The following FGFR1OP2 variants were observed in gnomAD, a reference collection of about 807,000 sequenced individuals.
The protein encoded by FGFR1OP2 is fibroblast growth factor receptor 1 oncogene partner 2.
Under a neutral mutation model 35.2 loss-of-function variants are expected in FGFR1OP2, and 17 were observed. The ratio of observed to expected loss-of-function variants is 0.48; its 90% CI spans 0.33 to 0.73. The LOEUF (loss-of-function observed/expected upper bound fraction) is 0.73. FGFR1OP2 is among the 30% of genes least tolerant of loss of function. The pLI is 0.02. For synonymous variants in FGFR1OP2, 105 were observed against 104.6 expected, an observed-to-expected ratio of 1.00 and a Z score of -0.03; for missense variants, 251 against 307.3, an observed-to-expected ratio of 0.82 and a Z score of 1.37.
At chr12:26,963,231 G>A (rs1939129334) in intron 5 of FGFR1OP2, 111 bp from the exon 6 acceptor site, 1 of 573,224 alleles carries the variant, frequency 1.7e-6, no homozygotes, top group African/African-American at 1.9e-5. Flanking sequence ...CATATTAAGT[G>A]ACAATGTAAG....
chr12:26,964,772 A>C lies in FGFR1OP2; in HGVS notation c.*39A>C. On this transcript the variant is annotated 3_prime_UTR_variant, in exon 7 of 7. Transcript: ENST00000229395. Reference sequence around the variant, plus strand: ...CTGTGAGCTTCTTACATGGCTCCAAATGGTCAAATAAGTGAATGAATGAAT... The same window carrying C: ...CTGTGAGCTTCTTACATGGCTCCAACTGGTCAAATAAGTGAATGAATGAAT... The C allele has an allele frequency of 1.3e-6, 2 of 1,589,992 alleles. No homozygotes were observed. The highest frequency in any genetic ancestry group is 1.7e-6 in the Non-Finnish European group (2 of 1,167,164).
chr12:26,938,928 A>G (rs995930494), intron 1 of FGFR1OP2, among the ~76,000 whole-genome samples: 3 of 152,112 alleles, frequency 2.0e-5, no homozygotes, highest in African/African-American at 7.2e-5. Context: ...CGGTGCGGAA[A>G]GTTCAATGAA....
chr12:26,963,822 TGG>T (rs1325532995), intron 6 of FGFR1OP2, among the ~76,000 whole-genome samples: 1 of 152,136 alleles, frequency 6.6e-6, no homozygotes, highest in Admixed American at 6.5e-5. Flanking sequence ...CTTATTTTTC[TGG>T]GGATTCTAAA....
At chr12:26,952,011 T>C (rs866816324) in intron 1 of FGFR1OP2, among the ~76,000 whole-genome samples, 1 of 152,112 alleles carries the variant, frequency 6.6e-6, no homozygotes, top group African/African-American at 2.4e-5. Flanking sequence ...TCACCATCTG[T>C]TATAAACTAT....
At chr12:26,952,634 A>G (rs376839251) in intron 1 of FGFR1OP2, among the ~76,000 whole-genome samples, 28 of 148,992 alleles carry the variant, frequency 1.9e-4, no homozygotes, top group African/African-American at 6.9e-4. Context: ...GAAATATTTT[A>G]TACTGTTGAG....
At chr12:26,957,393 T>G (rs1427500482) in intron 3 of FGFR1OP2, among the ~76,000 whole-genome samples, 1 of 152,220 alleles carries the variant, frequency 6.6e-6, no homozygotes, top group Non-Finnish European at 1.5e-5. Context: ...TAGTACATCT[T>G]TGTTGAAATG....
intron 1 of FGFR1OP2, among the ~76,000 whole-genome samples, chr12:26,942,821 C>T (rs1938757843): frequency 6.6e-6 from 1 of 151,868 alleles, no homozygotes; most frequent in Admixed American, 6.6e-5. Context: ...TTTTGAGAGA[C>T]TTTTTTGTAT....
chr12:26,958,051 A>G (rs1031835202), intron 4 of FGFR1OP2: 10 of 192,804 alleles, frequency 5.2e-5, no homozygotes, highest in Non-Finnish European at 7.4e-5. Context: ...TTGTAGGGCT[A>G]TATACTTTTA....
intron 1 of FGFR1OP2, among the ~76,000 whole-genome samples, chr12:26,939,957 A>G (rs1221115226): frequency 2.0e-5 from 3 of 152,230 alleles, no homozygotes; most frequent in Non-Finnish European, 4.4e-5. Context: ...TGATTATGAG[A>G]AACCCTGTAC....
chr12:26,942,497 T>G (rs926105666), intron 1 of FGFR1OP2, among the ~76,000 whole-genome samples: 1 of 152,220 alleles, frequency 6.6e-6, no homozygotes, highest in African/African-American at 2.4e-5. Flanking sequence ...TCCTCTAGGG[T>G]ACTCTAGAGA....
rs746166457 is a variant in FGFR1OP2, at chr12:26,963,365, G to T, written c.534G>T (p.Gln178His). Residue 178 changes from glutamine to histidine, a missense_variant, in exon 6 of 7, where the codon CAG becomes CAT. By Grantham distance (24) the Gln-to-His change is conservative. Coordinates refer to ENST00000229395, the MANE Select transcript of FGFR1OP2 (RefSeq NM_015633.3). ...AGGAACTGCAAGCACATGTTGACCAGATAACTGAAATGGCAGCAGTAATGA... is the reference window on the plus strand; with the variant it reads ...AGGAACTGCAAGCACATGTTGACCATATAACTGAAATGGCAGCAGTAATGA... ...NQNELQAHVD[Q>H]ITEMAAVMRK... 6.2e-7 allele frequency: 1 copy of T among 1,608,940 alleles called. No homozygotes were observed.
Position 26,963,322 on chromosome 12 carries a change from CTCCCA to C in FGFR1OP2, c.511-15_511-11del, listed in dbSNP as rs758074969. The C allele has an allele frequency of 6.5e-7, 1 of 1,534,442 alleles. No homozygotes were observed. Among genetic ancestry groups the C allele is most frequent in the South Asian group, 1.2e-5 (1 of 83,632 alleles). ...AAAAAAGTATTTTGCTGATTTCCAA[CTCCCA>C]TCCCTCTTTTTCAGGAACTGCAAGC... is the stretch of plus-strand genomic sequence containing the variant. On this transcript the variant is annotated splice_polypyrimidine_tract_variant and intron_variant, in intron 5 of 6. Coordinates refer to ENST00000229395, the MANE Select transcript of FGFR1OP2 (RefSeq NM_015633.3).
chr12:26,950,252 C>T (rs1211026405), intron 1 of FGFR1OP2, among the ~76,000 whole-genome samples: 13 of 84,622 alleles, frequency 1.5e-4, no homozygotes, highest in African/African-American at 2.5e-4. Flanking sequence ...GACAGAGTCC[C>T]GTTCTGTCAC....
intron 1 of FGFR1OP2, 121 bp from the exon 2 acceptor site, chr12:26,954,024 C>T (rs1938979828): frequency 1.5e-6 from 1 of 680,908 alleles, no homozygotes. Flanking sequence ...TTTTTTCCTC[C>T]CTGGACAGTG....
intron 4 of FGFR1OP2, among the ~76,000 whole-genome samples, chr12:26,960,232 CA>C (rs1001590838): frequency 6.6e-6 from 1 of 151,890 alleles, no homozygotes; most frequent in African/African-American, 2.4e-5. Context: ...CACATAACAG[CA>C]TTTTGGATTG....
chr12:26,945,188 C>G (rs1938800394), intron 1 of FGFR1OP2, among the ~76,000 whole-genome samples: 1 of 151,002 alleles, frequency 6.6e-6, no homozygotes, highest in African/African-American at 2.4e-5. Context: ...ATTAGGTTTT[C>G]TCTGTTGCTT....
In FGFR1OP2 at chr12:26,954,230, T is replaced by C. The variant is rs776887161; in HGVS notation, c.72T>C (p.Asp24=). The change falls in exon 2 of 7, where the codon GAT becomes GAC. Residue 24 remains aspartate, a synonymous_variant. Coordinates refer to ENST00000229395, the MANE Select transcript of FGFR1OP2 (RefSeq NM_015633.3). ...ALVERLRDHD[D]AAESLIEQTT... is the part of the protein sequence containing the mutation. ...TTGAAAGATTAAGAGATCATGACGA[T>C]GCAGCAGAATCTCTGATTGAGCAAA... The C allele has an allele frequency of 2.0e-5, 33 of 1,612,764 alleles. 2 individuals carry two copies. In the South Asian group the frequency reaches 3.4e-4, roughly 17 times the overall value.
chr12:26,960,827 T>A (rs1175899653), intron 5 of FGFR1OP2, 199 bp downstream of exon 5: 1 of 707,388 alleles, frequency 1.4e-6, no homozygotes, highest in Non-Finnish European at 2.0e-6. Context: ...TATTGTATCA[T>A]GTACAGCCTG....
At chr12:26,955,176 T>C (rs1029606155) in intron 2 of FGFR1OP2, among the ~76,000 whole-genome samples, 2 of 152,116 alleles carry the variant, frequency 1.3e-5, no homozygotes, top group African/African-American at 4.8e-5. Context: ...AAAAAAGGAG[T>C]TTGACATCTG....
Sources: allele counts gnomAD v4.1 joint callset (sites outside exome capture counted in the v4.1 genomes callset), GRCh38; gene constraint gnomAD v4.1.1; transcripts MANE v1.5; gene names NCBI Gene and HGNC (gene_info 2026-07-23, HGNC 2026-07-21).